GPC6: variants seen among roughly 807,000 people sequenced by gnomAD.
GPC6 encodes glypican 6, also known as glypican-6.
In GPC6, 14 loss-of-function variants were observed where a neutral mutation model predicts 55.2. That is an observed-to-expected ratio of 0.25 (90% CI 0.17 to 0.40). The LOEUF (loss-of-function observed/expected upper bound fraction) is 0.40, where lower values mean the gene tolerates loss of function less well. Among genes scored for constraint, GPC6 ranks in the 10% least tolerant of loss-of-function variants. GPC6 has a pLI of 1.00. For missense variants in GPC6, 641 were observed against 708.5 expected (o/e 0.90, Z 1.08); for synonymous variants, 278 against 259.6 (o/e 1.07, Z -0.68).
chr13:93,854,895 A>C lies in GPC6; in HGVS notation c.711+24350A>C, dbSNP rs1009962887. On this transcript the variant is annotated intron_variant, in intron 3 of 8. Transcript: ENST00000377047. Reference sequence around the variant, plus strand: ...TTTTTCAGAGCAGTTTTAGGTCCACAGCAAAATTGGAAGGTACAGAGATTT... The same window carrying C: ...TTTTTCAGAGCAGTTTTAGGTCCACCGCAAAATTGGAAGGTACAGAGATTT... 3.6e-5 allele frequency among the ~76,000 whole-genome samples: 3 copies of C among 82,942 alleles called. No individual in the cohort carries two copies. In the Admixed American group the frequency reaches 4.4e-4, roughly 12 times the overall value. 54.4% of individuals were successfully genotyped at this position (82,942 alleles called of 152,430 possible).
At chr13:94,250,324 T>C (rs1891310554) in intron 4 of GPC6, among the ~76,000 whole-genome samples, 1 of 152,092 alleles carries the variant, frequency 6.6e-6, no homozygotes, top group Non-Finnish European at 1.5e-5. Context: ...TCAAATACAG[T>C]TGTGGAAAAG....
At chr13:93,359,839 A>T (rs994784634) in intron 1 of GPC6, among the ~76,000 whole-genome samples, 4 of 152,132 alleles carry the variant, frequency 2.6e-5, no homozygotes, top group African/African-American at 4.8e-5. Flanking sequence ...TAATCTGAAC[A>T]TTTTTTTTAA....
intron 6 of GPC6, among the ~76,000 whole-genome samples, chr13:94,335,583 T>A (rs1057245100): frequency 8.0e-6 from 1 of 125,410 alleles, no homozygotes; most frequent in African/African-American, 2.9e-5. Context: ...AAATGTCCCT[T>A]AAACACTGTT....
rs1555339044 is a variant in GPC6, at chr13:93,881,718, A to AAT, written c.711+51184_711+51185dup. Among the ~76,000 whole-genome samples, 714 of 151,986 alleles carry AAT rather than the reference A, an allele frequency of 4.7e-3. 8 individuals are homozygous for AAT. The highest frequency in any genetic ancestry group is 0.016 in the African/African-American group (675 of 41,462). ...CCGTGTTTGTATAAACATATGGTTC[A>AAT]ATATATATATATTAAACTAAACATG... On this transcript the variant is annotated intron_variant, in intron 3 of 8. Transcript: ENST00000377047.
chr13:93,742,878 T>A (rs868492833), intron 2 of GPC6, among the ~76,000 whole-genome samples: 17 of 152,248 alleles, frequency 1.1e-4, no homozygotes, highest in Middle Eastern at 3.4e-3. Flanking sequence ...CCGTCTGCAG[T>A]ACTTGTGTAC....
rs530444718 is a variant in GPC6 at position 93,901,595 on chromosome 13, A to G, written c.711+71050A>G. Reference sequence around the variant, plus strand: ...AGATCCCTTTAACAGATCAAACAAGACATAACTCTTTAAAAAGATTTTAAA... The same window carrying G: ...AGATCCCTTTAACAGATCAAACAAGGCATAACTCTTTAAAAAGATTTTAAA... On this transcript the variant is annotated intron_variant, in intron 3 of 8. Coordinates refer to ENST00000377047, the MANE Select transcript of GPC6 (RefSeq NM_005708.5). Among the ~76,000 whole-genome samples the G allele has an allele frequency of 2.0e-5, 3 of 152,266 alleles. No individual in the cohort carries two copies. In the South Asian group the frequency reaches 6.2e-4, roughly 32 times the overall value.
intron 3 of GPC6, among the ~76,000 whole-genome samples, chr13:94,012,894 TG>T (rs531059598): frequency 8.4e-4 from 128 of 152,346 alleles, no homozygotes; most frequent in African/African-American, 2.9e-3. Context: ...ACTGCTAAAA[TG>T]TTTCTTCTAA....
chr13:93,792,555 C>A (rs543006483), intron 2 of GPC6, among the ~76,000 whole-genome samples: 3 of 152,218 alleles, frequency 2.0e-5, no homozygotes, highest in Non-Finnish European at 2.9e-5. Context: ...AAGTGATCCA[C>A]ACACCTCAGC....
At chr13:93,852,698 T>C (rs1888447735) in intron 3 of GPC6, among the ~76,000 whole-genome samples, 1 of 151,646 alleles carries the variant, frequency 6.6e-6, no homozygotes, top group African/African-American at 2.4e-5. Flanking sequence ...TTATTATTGA[T>C]TGTACATGGG....
At chr13:94,278,872 A>C (rs1344244158) in intron 4 of GPC6, among the ~76,000 whole-genome samples, 2 of 152,164 alleles carry the variant, frequency 1.3e-5, no homozygotes, top group African/African-American at 4.8e-5. Flanking sequence ...ATCGATGTTC[A>C]TCAGGGATAT....
Position 93,493,502 on chromosome 13 carries a change from T to A in GPC6, c.161-51761T>A, listed in dbSNP as rs1346699343. Among the ~76,000 whole-genome samples, 2 of 116,340 alleles carry A rather than the reference T, an allele frequency of 1.7e-5. 1 individual carries two copies. The highest frequency in any genetic ancestry group is 7.6e-4 in the East Asian group (2 of 2,638). 76.3% of individuals were successfully genotyped at this position (116,340 alleles called of 152,430 possible). On this transcript the variant is annotated intron_variant, in intron 1 of 8. Coordinates refer to ENST00000377047, the MANE Select transcript of GPC6 (RefSeq NM_005708.5). Reference sequence around the variant, plus strand: ...CTGGATTCCTTGATTTTTTGATGGGTTTTTTGTGTCTCTATTTCCTTCAGT... The same window carrying A: ...CTGGATTCCTTGATTTTTTGATGGGATTTTTGTGTCTCTATTTCCTTCAGT...
intron 4 of GPC6, among the ~76,000 whole-genome samples, chr13:94,089,754 G>T (rs926164255): frequency 6.6e-6 from 1 of 152,016 alleles, no homozygotes; most frequent in Admixed American, 6.6e-5. Flanking sequence ...GTGTCCATTG[G>T]GTGACTCAGA....
chr13:93,814,168 G>T lies in GPC6; in HGVS notation c.320-15986G>T, dbSNP rs189386539. On this transcript the variant is annotated intron_variant, in intron 2 of 8. Coordinates refer to ENST00000377047, the MANE Select transcript of GPC6 (RefSeq NM_005708.5). ...AAACTTTTGTTGAGGATTACTCATT[G>T]CTATTTGAGGAATTGCTTTTATTCC... 4.6e-3 allele frequency among the ~76,000 whole-genome samples: 703 copies of T among 152,228 alleles called. 8 individuals are homozygous for T. The highest frequency in any genetic ancestry group is 0.016 in the African/African-American group (674 of 41,544).
At chr13:93,543,390 G>A (rs1353684451) in intron 1 of GPC6, among the ~76,000 whole-genome samples, 1 of 151,998 alleles carries the variant, frequency 6.6e-6, no homozygotes, top group Non-Finnish European at 1.5e-5. Context: ...GATCATGGTG[G>A]ATAAGCTTTT....
chr13:93,870,898 A>T (rs990871387), intron 3 of GPC6, among the ~76,000 whole-genome samples: 1 of 151,864 alleles, frequency 6.6e-6, no homozygotes. Context: ...GGGATTACAG[A>T]TGTGAGTCAC....
At position 93,977,507 on chromosome 13, in the gene GPC6, TGTGTGTGTGTGG is replaced by T. The variant is rs750903120; in HGVS notation, c.712-50221_712-50210del. Among the ~76,000 whole-genome samples, 1,063 of 145,538 alleles carry T rather than the reference TGTGTGTGTGTGG, an allele frequency of 7.3e-3. 7 individuals carry two copies. The highest frequency in any genetic ancestry group is 0.016 in the African/African-American group (612 of 37,472). On this transcript the variant is annotated intron_variant, in intron 3 of 8. Transcript: ENST00000377047. ...GTGTGTGTGTGTGTGTGTGTGTGTG[TGTGTGTGTGTGG>T]TGTGTCTTTATTTGTGGTTATTTCA...
At chr13:94,323,084 C>T (rs1004515587) in intron 6 of GPC6, among the ~76,000 whole-genome samples, 1 of 152,058 alleles carries the variant, frequency 6.6e-6, no homozygotes, top group Non-Finnish European at 1.5e-5. Context: ...ATGAGGATGA[C>T]GGGATTGCGA....
chr13:93,906,495 T>C (rs2140331638), intron 3 of GPC6, among the ~76,000 whole-genome samples: 1 of 152,320 alleles, frequency 6.6e-6, no homozygotes, highest in East Asian at 1.9e-4. Flanking sequence ...CCAATGCTCA[T>C]TGAGATACCA....
intron 3 of GPC6, among the ~76,000 whole-genome samples, chr13:93,860,988 G>A (rs1888791455): frequency 6.6e-6 from 1 of 150,836 alleles, no homozygotes; most frequent in African/African-American, 2.4e-5. Context: ...TCTAGTTGGG[G>A]ACTGTGTTGC....
Sources: allele counts gnomAD v4.1 joint callset (sites outside exome capture counted in the v4.1 genomes callset), GRCh38; gene constraint gnomAD v4.1.1; transcripts MANE v1.5; gene names NCBI Gene and HGNC (gene_info 2026-07-23, HGNC 2026-07-21).